GLI2: variants seen among roughly 807,000 people sequenced by gnomAD.
GLI2 encodes the protein transcription activator GLI2.
Under a neutral mutation model 78.9 loss-of-function variants are expected in GLI2, and 22 were observed. The ratio of observed to expected loss-of-function variants is 0.28; its 90% CI spans 0.20 to 0.40. The LOEUF (loss-of-function observed/expected upper bound fraction) is 0.40, where lower values mean the gene tolerates loss of function less well. GLI2 is among the 10% of genes least tolerant of loss of function. GLI2 has a pLI of 1.00. For synonymous variants in GLI2, 974 were observed against 963.7 expected (o/e 1.01, Z -0.20); for missense variants, 2,097 against 2,213.2 (o/e 0.95, Z 1.05).
At chr2:120,841,785 G>A (rs143174251) in intron 2 of GLI2, among the ~76,000 whole-genome samples, 13 of 152,106 alleles carry the variant, frequency 8.5e-5, no homozygotes, top group South Asian at 2.1e-4. Flanking sequence ...AGCAGAATGC[G>A]TGGGCCAGTT....
chr2:120,846,501 G>A (rs527496791), intron 2 of GLI2, among the ~76,000 whole-genome samples: 1 of 152,232 alleles, frequency 6.6e-6, no homozygotes, highest in Non-Finnish European at 1.5e-5. Flanking sequence ...GTGCACAGGT[G>A]GTGGTACTGT....
At chr2:120,787,477 G>A (rs1325450814) in intron 1 of GLI2, among the ~76,000 whole-genome samples, 1 of 152,306 alleles carries the variant, frequency 6.6e-6, no homozygotes, top group Non-Finnish European at 1.5e-5. Flanking sequence ...CTGGGTGCCT[G>A]TGGCTCCCGT....
intron 2 of GLI2, among the ~76,000 whole-genome samples, chr2:120,878,103 G>A (rs1355458872): frequency 1.3e-5 from 2 of 152,224 alleles, no homozygotes; most frequent in East Asian, 3.8e-4. Context: ...TCCCTGATGA[G>A]AAACTGAAGA....
chr2:120,861,500 T>C (rs1687903150), intron 2 of GLI2, among the ~76,000 whole-genome samples: 1 of 152,168 alleles, frequency 6.6e-6, no homozygotes, highest in Non-Finnish European at 1.5e-5. Flanking sequence ...CAGTCTCCTG[T>C]CAAGATCTTT....
Position 120,991,007 on chromosome 2 carries a change from T to G in GLI2, c.*332T>G, listed in dbSNP as rs1683275519. On this transcript the variant is annotated 3_prime_UTR_variant, in exon 14 of 14. Transcript: ENST00000361492. ...TGACATTCGGCTAACGAGGGATTAC[T>G]TTGGCCAAAACCTTTCAAAGGATAT... 1 of 291,580 alleles carries G rather than the reference T, an allele frequency of 3.4e-6. No individual in the cohort carries two copies. Among genetic ancestry groups the G allele is most frequent in the Non-Finnish European group, 6.4e-6 (1 of 156,138 alleles). The allele number at this position is 291,580 out of a possible 1,614,324, so 18.1% of individuals were successfully genotyped here. A position where few individuals can be genotyped will look rare whatever the true frequency, so the allele number is the denominator to read the frequency against.
intron 4 of GLI2, among the ~76,000 whole-genome samples, chr2:120,954,215 A>T (rs907298032): frequency 9.2e-5 from 14 of 152,204 alleles, no homozygotes; most frequent in Admixed American, 1.3e-4. Context: ...GAAGCTCATC[A>T]GCGATCCGAG....
At chr2:120,900,655 A>T (rs1466320968) in intron 2 of GLI2, among the ~76,000 whole-genome samples, 1 of 152,204 alleles carries the variant, frequency 6.6e-6, no homozygotes, top group Non-Finnish European at 1.5e-5. Flanking sequence ...GCTCTAGATA[A>T]ACATTATTTG....
At chr2:120,880,740 G>A (rs187082755) in intron 2 of GLI2, among the ~76,000 whole-genome samples, 1 of 152,258 alleles carries the variant, frequency 6.6e-6, no homozygotes, top group East Asian at 1.9e-4. Flanking sequence ...TGTACCTCCT[G>A]GCTAAAGTAT....
In GLI2 at chr2:120,836,648, C is replaced by T. The variant is rs76926449; in HGVS notation, c.148+39180C>T. On this transcript the variant is annotated intron_variant, in intron 2 of 13. Coordinates refer to ENST00000361492, the MANE Select transcript of GLI2 (RefSeq NM_001374353.1). The stretch of plus-strand genomic sequence containing the variant: ...AGATGCAATAGAAAATATCACAATA[C>T]ATTGCAAGTATTAAAGTTTTGTCAG... Among the ~76,000 whole-genome samples the T allele has an allele frequency of 5.1e-3, 783 of 152,308 alleles. 8 individuals carry two copies. The highest frequency in any genetic ancestry group is 0.018 in the African/African-American group (747 of 41,564).
chr2:120,959,873 G>A (rs559460799), intron 5 of GLI2, among the ~76,000 whole-genome samples: 1 of 152,230 alleles, frequency 6.6e-6, no homozygotes, highest in African/African-American at 2.4e-5. Context: ...GGCGCCAGCA[G>A]TGCAGCTCAG....
At chr2:120,811,029 T>C (rs956354665) in intron 2 of GLI2, among the ~76,000 whole-genome samples, 6 of 152,188 alleles carry the variant, frequency 3.9e-5, no homozygotes, top group African/African-American at 1.4e-4. Context: ...CCATGCACCC[T>C]TGTGAACCAT....
Position 120,936,520 on chromosome 2 carries a change from T to C in GLI2, c.254+9054T>C, listed in dbSNP as rs574461733. Reference sequence around the variant, plus strand: ...AAGAACTTCCCAAGATTGCCCAGCTTGTGAGATCTCACCAAGCCAGAGCTC... The same window carrying C: ...AAGAACTTCCCAAGATTGCCCAGCTCGTGAGATCTCACCAAGCCAGAGCTC... On this transcript the variant is annotated intron_variant, in intron 3 of 13. Coordinates refer to ENST00000361492, the MANE Select transcript of GLI2 (RefSeq NM_001374353.1). Among the ~76,000 whole-genome samples the C allele has an allele frequency of 1.8e-4, 27 of 152,286 alleles. No homozygotes were observed. In the South Asian group the frequency reaches 4.4e-3, roughly 25 times the overall value.
At chr2:120,944,082 C>G (rs1680590942) in intron 3 of GLI2, among the ~76,000 whole-genome samples, 1 of 152,208 alleles carries the variant, frequency 6.6e-6, no homozygotes, top group Non-Finnish European at 1.5e-5. Flanking sequence ...CCAGGGACAG[C>G]ACCCACTCCG....
intron 5 of GLI2, among the ~76,000 whole-genome samples, chr2:120,963,891 C>T (rs895545): frequency 0.79 from 119,653 of 152,252 alleles, 51,934 homozygotes; most frequent in East Asian, 1. Context: ...CTAGCGCATG[C>T]GATGATAGCA....
chr2:120,872,339 C>T (rs1573514129), intron 2 of GLI2, among the ~76,000 whole-genome samples: 1 of 152,180 alleles, frequency 6.6e-6, no homozygotes, highest in South Asian at 2.1e-4. Flanking sequence ...AATTAACCAG[C>T]TTACAGTGGG....
intron 2 of GLI2, among the ~76,000 whole-genome samples, chr2:120,848,641 C>G (rs1687239756): frequency 1.3e-5 from 2 of 152,202 alleles, no homozygotes; most frequent in Non-Finnish European, 2.9e-5. Flanking sequence ...CTTTGCCTTT[C>G]CTGCTAAAAA....
intron 1 of GLI2, 74 bp from the exon 2 acceptor site, chr2:120,797,217 G>A (rs1684436113): frequency 9.1e-7 from 1 of 1,096,800 alleles, no homozygotes; most frequent in Non-Finnish European, 1.4e-6. Context: ...GCGAGCGGCG[G>A]TGTGAATCTG....
At chr2:120,974,787 T>C (rs1015916922) in intron 8 of GLI2, 188 bp from the exon 9 acceptor site, 2 of 764,976 alleles carry the variant, frequency 2.6e-6, no homozygotes, top group South Asian at 1.5e-5. Flanking sequence ...TGAGTGTGTG[T>C]GTGTGTGTGT....
chr2:120,829,964 CGT>C (rs140092401), intron 2 of GLI2, among the ~76,000 whole-genome samples: 22 of 151,776 alleles, frequency 1.4e-4, no homozygotes, highest in Admixed American at 9.2e-4. Flanking sequence ...GGTGTGCCTG[CGT>C]GTGTGTGTGT....
Sources: allele counts gnomAD v4.1 joint callset (sites outside exome capture counted in the v4.1 genomes callset), GRCh38; gene constraint gnomAD v4.1.1; transcripts MANE v1.5; gene names NCBI Gene and HGNC (gene_info 2026-07-23, HGNC 2026-07-21).